The following RABGAP1L variants were observed in gnomAD, a reference collection of about 807,000 sequenced individuals.
RABGAP1L encodes rab GTPase-activating protein 1-like.
RABGAP1L carries 63 observed loss-of-function variants against 137.7 expected under a neutral mutation model. The ratio of observed to expected loss-of-function variants is 0.46; its 90% CI spans 0.37 to 0.56. RABGAP1L has a LOEUF of 0.56. Among genes scored for constraint, RABGAP1L ranks in the 20% least tolerant of loss-of-function variants. The pLI is 0.00. For missense variants in RABGAP1L, 1,095 were observed against 1,244.0 expected (o/e 0.88, Z 1.80); for synonymous variants, 431 against 433.7 (o/e 0.99, Z 0.08).
At chr1:174,278,849 A>G (rs1675240652) in intron 10 of RABGAP1L, 70 bp downstream of exon 10, 9 of 1,236,292 alleles carry the variant, frequency 7.3e-6, no homozygotes, top group Non-Finnish European at 9.7e-6. Flanking sequence ...TTTTAATGCC[A>G]AGATAATTCC....
intron 3 of RABGAP1L, among the ~76,000 whole-genome samples, chr1:174,224,496 A>G (rs1670011964): frequency 6.6e-6 from 1 of 152,186 alleles, no homozygotes; most frequent in African/African-American, 2.4e-5. Flanking sequence ...TCTGAGTGCA[A>G]AAGACCATTT....
chr1:174,735,950 C>T (rs545716176), intron 17 of RABGAP1L, among the ~76,000 whole-genome samples: 2 of 152,322 alleles, frequency 1.3e-5, no homozygotes, highest in African/African-American at 4.8e-5. Context: ...CAGGCTTCAC[C>T]TCCAACATTG....
In RABGAP1L at chr1:174,250,537, T is replaced by C. The variant is rs879159004; in HGVS notation, c.780T>C (p.Asp260=). The change falls in exon 6 of 26, where the codon GAT becomes GAC. Residue 260 remains aspartate (D), a synonymous_variant. Coordinates refer to ENST00000681986, the MANE Select transcript of RABGAP1L (RefSeq NM_001366446.1). ...AFKRSSRQVS[D]VKDSVIPTPD... ...AACGTTCTTCCAGACAAGTGTCTGA[T>C]GTTAAAGACTCAGTTATTCCTACCC... 2 of 1,613,626 alleles carry C rather than the reference T, an allele frequency of 1.2e-6. 1 individual carries two copies. Among genetic ancestry groups the C allele is most frequent in the South Asian group, 2.2e-5 (2 of 91,074 alleles).
chr1:174,527,727 G>T (rs1031318928), intron 13 of RABGAP1L, among the ~76,000 whole-genome samples: 4 of 152,140 alleles, frequency 2.6e-5, no homozygotes, highest in Admixed American at 2.0e-4. Flanking sequence ...AATGCTGAGA[G>T]TGGAGTGTTG....
intron 13 of RABGAP1L, among the ~76,000 whole-genome samples, chr1:174,479,202 T>A (rs963943100): frequency 3.9e-5 from 6 of 152,242 alleles, no homozygotes; most frequent in Non-Finnish European, 5.9e-5. Flanking sequence ...AGCTCCCTTG[T>A]GATGCCACTG....
intron 18 of RABGAP1L, among the ~76,000 whole-genome samples, chr1:174,765,768 T>G (rs1210893965): frequency 6.6e-6 from 1 of 152,214 alleles, no homozygotes. Flanking sequence ...TCCAATTTAT[T>G]TTTTCTTTAG....
chr1:174,291,860 T>C (rs1571943206), intron 10 of RABGAP1L, among the ~76,000 whole-genome samples: 3 of 151,874 alleles, frequency 2.0e-5, no homozygotes, highest in African/African-American at 7.2e-5. Flanking sequence ...CTGTAACTTA[T>C]TGACATTTTC....
At chr1:174,219,723 G>A (rs1259006119) in intron 2 of RABGAP1L, among the ~76,000 whole-genome samples, 3 of 152,064 alleles carry the variant, frequency 2.0e-5, no homozygotes, top group Non-Finnish European at 4.4e-5. Context: ...CAGTCGACTT[G>A]TCTAAATGTT....
At chr1:174,409,089 T>C (rs1227751083) in intron 13 of RABGAP1L, among the ~76,000 whole-genome samples, 9 of 152,154 alleles carry the variant, frequency 5.9e-5, no homozygotes. Context: ...TGTTAATTTA[T>C]GTTTTCTTGC....
At chr1:174,640,423 A>G (rs1010697034) in intron 14 of RABGAP1L, among the ~76,000 whole-genome samples, 1 of 151,718 alleles carries the variant, frequency 6.6e-6, no homozygotes, top group Admixed American at 6.6e-5. Context: ...TTATTTTATG[A>G]CCCCCATCCC....
intron 13 of RABGAP1L, among the ~76,000 whole-genome samples, chr1:174,571,267 T>A (rs1490036271): frequency 1.3e-5 from 2 of 152,008 alleles, no homozygotes; most frequent in Non-Finnish European, 2.9e-5. Context: ...TACCAGAGGC[T>A]GGGAAGGGTA....
intron 18 of RABGAP1L, among the ~76,000 whole-genome samples, chr1:174,792,903 C>T (rs566305853): frequency 1.8e-4 from 27 of 152,192 alleles, no homozygotes; most frequent in Non-Finnish European, 2.9e-4. Flanking sequence ...GAAGCCAAGG[C>T]GGGTGGATCA....
chr1:174,670,795 T>G (rs1289185049), intron 14 of RABGAP1L, among the ~76,000 whole-genome samples: 1 of 152,202 alleles, frequency 6.6e-6, no homozygotes, highest in Non-Finnish European at 1.5e-5. Context: ...CATTCATCTG[T>G]TGATGGACTC....
intron 13 of RABGAP1L, among the ~76,000 whole-genome samples, chr1:174,631,441 G>A (rs1489505618): frequency 3.0e-5 from 3 of 99,824 alleles, no homozygotes; most frequent in Non-Finnish European, 5.4e-5. Flanking sequence ...CAATTCCTGG[G>A]TATCCTTGTT....
intron 1 of RABGAP1L, among the ~76,000 whole-genome samples, chr1:174,180,326 C>T (rs724889): frequency 0.3 from 44,918 of 152,024 alleles, 7,059 homozygotes; most frequent in African/African-American, 0.37. Flanking sequence ...TCTTTACTGC[C>T]GCTTTATATG....
chr1:174,896,338 A>T (rs1194550946), intron 19 of RABGAP1L, among the ~76,000 whole-genome samples: 2 of 152,148 alleles, frequency 1.3e-5, no homozygotes, highest in Non-Finnish European at 2.9e-5. Flanking sequence ...TCTGGATATT[A>T]GTCCTTTGTC....
chr1:174,783,307 A>G lies in RABGAP1L; in HGVS notation c.2212-28525A>G, dbSNP rs112431939. 1.3e-3 allele frequency among the ~76,000 whole-genome samples: 201 copies of G among 152,256 alleles called. 1 individual carries two copies. The highest frequency in any genetic ancestry group is 4.7e-3 in the African/African-American group (194 of 41,558). On this transcript the variant is annotated intron_variant, in intron 18 of 25. Coordinates refer to ENST00000681986, the MANE Select transcript of RABGAP1L (RefSeq NM_001366446.1). ...GTGACTCACGGCTTCTAATAGAGCTATAACACCGCATGGCCCAAGGTTCCA... is the reference window on the plus strand; with the variant it reads ...GTGACTCACGGCTTCTAATAGAGCTGTAACACCGCATGGCCCAAGGTTCCA...
At chr1:174,908,178 G>A (rs546030163) in intron 19 of RABGAP1L, among the ~76,000 whole-genome samples, 1 of 152,276 alleles carries the variant, frequency 6.6e-6, no homozygotes, top group African/African-American at 2.4e-5. Context: ...AATCTAAAAG[G>A]AGAGGTAAAC....
At chr1:174,735,938 A>C (rs1449960054) in intron 17 of RABGAP1L, among the ~76,000 whole-genome samples, 1 of 152,194 alleles carries the variant, frequency 6.6e-6, no homozygotes, top group African/African-American at 2.4e-5. Context: ...AACACCTTCC[A>C]CCAGGCTTCA....
Sources: gnomAD v4.1 joint callset for allele counts (sites outside exome capture counted in the v4.1 genomes callset) on GRCh38, gnomAD v4.1.1 for gene constraint, MANE v1.5 for transcripts, NCBI Gene and HGNC (gene_info 2026-07-23, HGNC 2026-07-21) for gene names.